RYR3: variants seen among roughly 807,000 people sequenced by gnomAD.
RYR3 encodes the protein brain ryanodine receptor-calcium release channel.
Under a neutral mutation model 584.3 loss-of-function variants are expected in RYR3, and 207 were observed. The observed-to-expected ratio is 0.35, with a 90% CI of 0.32 to 0.40. The LOEUF is 0.40. Ranked by LOEUF, RYR3 falls within the 10% of genes least tolerant of loss-of-function variation. The probability of loss-of-function intolerance (pLI) is 1.00; values close to 1 mark genes in which losing one functional copy is unlikely to be tolerated. For synonymous variants in RYR3, 2,416 were observed against 2,248.5 expected (o/e 1.07, Z -2.11); for missense variants, 5,616 against 6,089.2 (o/e 0.92, Z 2.59).
At chr15:33,618,074 G>T (rs1204838952) in intron 19 of RYR3, among the ~76,000 whole-genome samples, 1 of 152,076 alleles carries the variant, frequency 6.6e-6, no homozygotes, top group Non-Finnish European at 1.5e-5. Context: ...ACTAAAAGTT[G>T]ATCTTATATA....
At chr15:33,852,776 A>G (rs1440157200) in intron 94 of RYR3, 4 of 371,850 alleles carry the variant, frequency 1.1e-5, no homozygotes, top group Non-Finnish European at 2.0e-5. Context: ...ATCTGTCATC[A>G]CAATTCTTGG....
chr15:33,795,544 G>A (rs55660925), intron 67 of RYR3, among the ~76,000 whole-genome samples: 5,242 of 151,804 alleles, frequency 0.035, 147 homozygotes, highest in African/African-American at 0.072. Context: ...ACACACATGC[G>A]CCACTACGCC....
chr15:33,449,644 A>G (rs28503200), intron 1 of RYR3, among the ~76,000 whole-genome samples: 3,143 of 152,342 alleles, frequency 0.021, 53 homozygotes, highest in Non-Finnish European at 0.026. Context: ...CATGCTGAAT[A>G]TAAAAATAAC....
intron 1 of RYR3, among the ~76,000 whole-genome samples, chr15:33,409,602 C>T (rs916140995): frequency 1.1e-4 from 16 of 152,140 alleles, no homozygotes; most frequent in African/African-American, 3.9e-4. Flanking sequence ...TGTCCAGTGT[C>T]TTGAAAAACC....
chr15:33,824,669 A>T lies in RYR3; in HGVS notation c.11073-934A>T, dbSNP rs368949123. Among the ~76,000 whole-genome samples the T allele has an allele frequency of 9.8e-5, 15 of 152,344 alleles. No individual in the cohort carries two copies. In the East Asian group the frequency reaches 1.9e-3, roughly 20 times the overall value. On this transcript the variant is annotated intron_variant, in intron 81 of 103. Coordinates refer to ENST00000634891, the MANE Select transcript of RYR3 (RefSeq NM_001036.6). ...TAGGTAAATGAAACTTACCTAAATCACAAAACATGTGACTCCTTAAAAAGA... is the reference window on the plus strand; with the variant it reads ...TAGGTAAATGAAACTTACCTAAATCTCAAAACATGTGACTCCTTAAAAAGA...
At chr15:33,581,702 A>G (rs565655679) in intron 14 of RYR3, 59 bp downstream of exon 14, 3 of 1,468,784 alleles carry the variant, frequency 2.0e-6, no homozygotes, top group South Asian at 2.3e-5. Flanking sequence ...TCCACGTGCA[A>G]TCCCAAGATT....
In RYR3 at chr15:33,534,057, C is replaced by G. The variant is rs192707926; in HGVS notation, c.433+668C>G. On this transcript the variant is annotated intron_variant, in intron 5 of 103. Coordinates refer to ENST00000634891, the MANE Select transcript of RYR3 (RefSeq NM_001036.6). ...AATATTATAACATGTTAATGATACA[C>G]TAGTTCCAAATGTAAAACTTTATTT... Among the ~76,000 whole-genome samples the G allele has an allele frequency of 5.3e-5, 8 of 152,264 alleles. No homozygotes were observed. In the East Asian group the frequency reaches 1.5e-3, roughly 29 times the overall value.
intron 43 of RYR3, among the ~76,000 whole-genome samples, chr15:33,712,567 C>A (rs1211994032): frequency 6.6e-6 from 1 of 152,134 alleles, no homozygotes; most frequent in South Asian, 2.1e-4. Flanking sequence ...AGAAATCAAT[C>A]AACAGATTAG....
intron 60 of RYR3, among the ~76,000 whole-genome samples, chr15:33,759,776 A>G (rs1334624441): frequency 6.6e-6 from 1 of 152,208 alleles, no homozygotes; most frequent in Non-Finnish European, 1.5e-5. Flanking sequence ...CAACATTCAA[A>G]TTCAGGAAAT....
At chr15:33,567,684 C>T (rs2057787441) in intron 12 of RYR3, among the ~76,000 whole-genome samples, 1 of 152,156 alleles carries the variant, frequency 6.6e-6, no homozygotes, top group Admixed American at 6.6e-5. Context: ...GCTCTGACAT[C>T]TCCCACAGAT....
Position 33,785,701 on chromosome 15 carries a change from A to G in RYR3, c.9308A>G (p.Asp3103Gly), listed in dbSNP as rs200304191. 5.1e-5 allele frequency: 83 copies of G among 1,611,684 alleles called. No individual in the cohort carries two copies. The highest frequency in any genetic ancestry group is 5.7e-5 in the Non-Finnish European group (67 of 1,178,702). ...MPDTVEDMCP[D>G]IPQLEGLMKE... ...GACACGGTAGAAGACATGTGTCCTGACATCCCCCAGCTGGAAGGCCTGATG... is the reference window on the plus strand; with the variant it reads ...GACACGGTAGAAGACATGTGTCCTGGCATCCCCCAGCTGGAAGGCCTGATG... The change falls in exon 66 of 104, where the codon GAC becomes GGC. Residue 3103 changes from aspartate to glycine, a missense_variant. Around this residue, in one of 9 missense-constraint regions of RYR3, gnomAD observed 954 missense variants for 1,132.2 expected, o/e 0.84. Coordinates refer to ENST00000634891, the MANE Select transcript of RYR3 (RefSeq NM_001036.6).
chr15:33,542,173 T>C (rs1025180892), intron 7 of RYR3, among the ~76,000 whole-genome samples: 1 of 152,136 alleles, frequency 6.6e-6, no homozygotes, highest in East Asian at 1.9e-4. Context: ...AGAAACCCAC[T>C]TCAGCCCTTA....
chr15:33,496,559 G>A (rs951597878), intron 2 of RYR3, among the ~76,000 whole-genome samples: 3 of 152,092 alleles, frequency 2.0e-5, no homozygotes, highest in Non-Finnish European at 4.4e-5. Context: ...GGGAGACAAG[G>A]ACAGATTCTG....
At chr15:33,857,036 A>G (rs1274555626) in intron 98 of RYR3, among the ~76,000 whole-genome samples, 2 of 152,168 alleles carry the variant, frequency 1.3e-5, no homozygotes, top group Non-Finnish European at 2.9e-5. Context: ...TGTATGAACA[A>G]TAACAAAACA....
intron 37 of RYR3, among the ~76,000 whole-genome samples, 179 bp downstream of exon 37, chr15:33,669,635 T>C (rs937760237): frequency 2.6e-5 from 4 of 152,204 alleles, no homozygotes; most frequent in African/African-American, 9.6e-5. Flanking sequence ...GAAGTAACCC[T>C]GACAGAATAT....
rs2061593305 is a variant in RYR3, at chr15:33,638,022, C to CA, written c.3556+1474dup. Among the ~76,000 whole-genome samples the CA allele has an allele frequency of 2.6e-5, 4 of 152,020 alleles. No individual in the cohort carries two copies. In the South Asian group the frequency reaches 8.3e-4, roughly 32 times the overall value. ...CTGTGTTCATGTGTTCTCATCCTTT[C>CA]AAGGTTTTTCTAAGAGCCAAATATT... On this transcript the variant is annotated intron_variant, in intron 27 of 103. Transcript: ENST00000634891.
intron 19 of RYR3, among the ~76,000 whole-genome samples, chr15:33,614,423 T>C (rs2060348926): frequency 1.3e-5 from 2 of 152,062 alleles, no homozygotes; most frequent in Admixed American, 6.5e-5. Context: ...CATATGGGAA[T>C]GTCCAACTGA....
intron 1 of RYR3, among the ~76,000 whole-genome samples, chr15:33,318,400 A>G (rs140745334): frequency 6.6e-6 from 1 of 152,354 alleles, no homozygotes; most frequent in African/African-American, 2.4e-5. Flanking sequence ...AATTCCCCCT[A>G]TTAAAATGCT....
intron 47 of RYR3, among the ~76,000 whole-genome samples, chr15:33,729,766 C>T (rs763094523): frequency 5.3e-5 from 8 of 151,984 alleles, no homozygotes; most frequent in South Asian, 2.1e-4. Flanking sequence ...ACTAGATCTG[C>T]GTAAGTCTAA....
Sources: gnomAD v4.1 joint callset for allele counts (sites outside exome capture counted in the v4.1 genomes callset) on GRCh38, gnomAD v4.1.1 for gene constraint, gnomAD v4.1.1 regional missense constraint, MANE v1.5 for transcripts, NCBI Gene and HGNC (gene_info 2026-07-23, HGNC 2026-07-21) for gene names.